PHLPP1: variants seen among roughly 807,000 people sequenced by gnomAD.
The protein encoded by PHLPP1 is PH domain leucine-rich repeat-containing protein phosphatase 1.
PHLPP1 carries 42 observed loss-of-function variants against 117.2 expected under a neutral mutation model. The observed-to-expected ratio is 0.36, with a 90% CI of 0.28 to 0.46. PHLPP1 has a LOEUF of 0.46. Among genes scored for constraint, PHLPP1 ranks in the 20% least tolerant of loss-of-function variants. PHLPP1 has a pLI of 1.00. For missense variants in PHLPP1, 2,084 were observed against 2,241.9 expected (o/e 0.93, Z 1.42); for synonymous variants, 1,042 against 970.7 (o/e 1.07, Z -1.37).
At chr18:62,862,173 G>A (rs988527761) in intron 4 of PHLPP1, among the ~76,000 whole-genome samples, 1 of 151,424 alleles carries the variant, frequency 6.6e-6, no homozygotes, top group Non-Finnish European at 1.5e-5. Flanking sequence ...ACTGCCTCCC[G>A]CGTTCTAGTG....
chr18:62,716,500 C>T lies in PHLPP1; in HGVS notation c.817C>T (p.Pro273Ser), dbSNP rs754834443. Reference sequence around the variant, plus strand: ...CCCCGAGGCCGGCCCCCGGCTGGCGCCCCCGGAGCCGCGGGACTCGGAGGT... The same window carrying T: ...CCCCGAGGCCGGCCCCCGGCTGGCGTCCCCGGAGCCGCGGGACTCGGAGGT... ...PPPEAGPRLA[P>S]PEPRDSEVPP... Residue 273 changes from proline (P) to serine (S), a missense_variant, in exon 1 of 17, where the codon CCC becomes TCC. By Grantham distance (74) the Pro-to-Ser change is moderately conservative (BLOSUM62 -1). This residue lies in a region of PHLPP1 where 719 missense variants were observed against 636.0 expected (regional missense o/e 1.13). Transcript: ENST00000262719. This position sits in a 1 kb window ranked among gnomAD's most constrained non-coding sequence, Gnocchi z 5.7. 4.2e-5 allele frequency: 50 copies of T among 1,202,694 alleles called. 1 individual carries two copies. In the South Asian group the frequency reaches 1.7e-3, roughly 41 times the overall value. 74.5% of individuals were successfully genotyped at this position (1,202,694 alleles called of 1,614,324 possible).
At chr18:62,753,629 G>A (rs1911924865) in intron 1 of PHLPP1, among the ~76,000 whole-genome samples, 1 of 152,158 alleles carries the variant, frequency 6.6e-6, no homozygotes, top group Non-Finnish European at 1.5e-5. Flanking sequence ...AAATTCATTA[G>A]TTACTAAACA....
rs1910819886 is a variant in PHLPP1 at position 62,963,383 on chromosome 18, C to G, written c.3471C>G (p.Phe1157Leu). 6.2e-7 allele frequency: 1 copy of G among 1,611,940 alleles called. No homozygotes were observed. Residue 1157 changes from phenylalanine (F) to leucine (L), a missense_variant, in exon 14 of 17, where the codon TTC becomes TTG. Phe to Leu is a conservative substitution (Grantham distance 22, BLOSUM62 0). Transcript: ENST00000262719. ...CTCTTGTTAGTAATATCCGCTGTTT[C>G]AAGATTGATCAGCCTTCTACAGGAG... ...TLELLNNIRCFKIDQPSTGDA... is the reference protein window; with the variant it reads ...TLELLNNIRCLKIDQPSTGDA...
rs1917052864 is a variant in PHLPP1 at position 62,914,718 on chromosome 18, C to G, written c.2709-195C>G. ...GCCACTGTGCTCTGCCTCTTCCTTA[C>G]TTTTTCTTTATTTCTTCTCCCTATC... On this transcript the variant is annotated intron_variant, in intron 8 of 16. Coordinates refer to ENST00000262719, the MANE Select transcript of PHLPP1 (RefSeq NM_194449.4). 2.0e-5 allele frequency among the ~76,000 whole-genome samples: 3 copies of G among 152,232 alleles called. No homozygotes were observed. The South Asian group carries it at 6.2e-4, about 31-fold the overall frequency.
chr18:62,979,543 T>G lies in PHLPP1; in HGVS notation c.*112T>G. 8.5e-7 allele frequency: 1 copy of G among 1,183,332 alleles called. No homozygotes were observed. Among genetic ancestry groups the G allele is most frequent in the Non-Finnish European group, 1.2e-6 (1 of 854,998 alleles). The allele number at this position is 1,183,332 out of a possible 1,614,324, so 73.3% of individuals were successfully genotyped here. A position where few individuals can be genotyped will look rare whatever the true frequency, so the allele number is the denominator to read the frequency against. On this transcript the variant is annotated 3_prime_UTR_variant, in exon 17 of 17. Transcript: ENST00000262719. ...CTCCACATCCTTCCCCCAGACACTGTTCCCAACCTGTCATCGCAGCTAATC... is the reference window on the plus strand; with the variant it reads ...CTCCACATCCTTCCCCCAGACACTGGTCCCAACCTGTCATCGCAGCTAATC...
At chr18:62,899,408 CTG>C (rs1365090151) in intron 6 of PHLPP1, among the ~76,000 whole-genome samples, 4 of 152,164 alleles carry the variant, frequency 2.6e-5, no homozygotes, top group Non-Finnish European at 4.4e-5. Context: ...GATGCAGAGG[CTG>C]TTCCATTGCT....
chr18:62,872,167 T>C (rs1451803463), intron 4 of PHLPP1, among the ~76,000 whole-genome samples: 1 of 152,118 alleles, frequency 6.6e-6, no homozygotes, highest in Non-Finnish European at 1.5e-5. Context: ...AATGAAGACC[T>C]AAAGAAGTGA....
At chr18:62,733,134 G>A (rs559915988) in intron 1 of PHLPP1, among the ~76,000 whole-genome samples, 1 of 152,186 alleles carries the variant, frequency 6.6e-6, no homozygotes. Context: ...TGAGTAAAGT[G>A]CTATCAAAGA....
chr18:62,715,871 G>T lies in PHLPP1; in HGVS notation c.188G>T (p.Gly63Val). The change falls in exon 1 of 17, where the codon GGG (glycine) becomes GTG (valine). Residue 63 changes from glycine to valine, a missense_variant. By Grantham distance (109) the Gly-to-Val change is moderately radical (BLOSUM62 -3). Around this residue, in one of 2 missense-constraint regions of PHLPP1, gnomAD observed 719 missense variants for 636.0 expected, o/e 1.13. Coordinates refer to ENST00000262719, the MANE Select transcript of PHLPP1 (RefSeq NM_194449.4). Reference protein sequence around the residue: ...PALTPAAPSGGNGSGSGAREE... With the variant: ...PALTPAAPSGVNGSGSGAREE... ...CTGACCCCGGCGGCCCCGAGCGGCG[G>T]GAACGGCAGCGGCAGCGGGGCGCGG... The T allele has an allele frequency of 1.2e-6, 1 of 833,820 alleles. No individual in the cohort carries two copies. The highest frequency in any genetic ancestry group is 1.4e-6 in the Non-Finnish European group (1 of 691,936). The allele number at this position is 833,820 out of a possible 1,614,324, so 51.7% of individuals were successfully genotyped here.
chr18:62,755,526 T>G (rs996869460), intron 1 of PHLPP1, among the ~76,000 whole-genome samples: 5 of 152,164 alleles, frequency 3.3e-5, no homozygotes, highest in African/African-American at 1.2e-4. Context: ...CCTTCATGAA[T>G]AGGATTAGTG....
At position 62,896,029 on chromosome 18, in the gene PHLPP1, A is replaced by G. The variant is rs1345912134; in HGVS notation, c.2444+18A>G. The G allele has an allele frequency of 2.7e-6, 4 of 1,481,142 alleles. No homozygotes were observed. The highest frequency in any genetic ancestry group is 3.8e-6 in the Non-Finnish European group (4 of 1,063,642). The allele number at this position is 1,481,142 out of a possible 1,614,324, so 91.7% of individuals were successfully genotyped here. A position where few individuals can be genotyped will look rare whatever the true frequency, so the allele number is the denominator to read the frequency against. On this transcript the variant is annotated intron_variant, in intron 6 of 16. Coordinates refer to ENST00000262719, the MANE Select transcript of PHLPP1 (RefSeq NM_194449.4). Reference sequence around the variant, plus strand: ...GATCTAAGGTAACCATTTTTGAGAAATAGATCTCATTTGAGTGGCTGGCTT... The same window carrying G: ...GATCTAAGGTAACCATTTTTGAGAAGTAGATCTCATTTGAGTGGCTGGCTT...
intron 1 of PHLPP1, among the ~76,000 whole-genome samples, chr18:62,745,769 T>G (rs2122079453): frequency 6.6e-6 from 1 of 152,382 alleles, no homozygotes; most frequent in East Asian, 1.9e-4. Context: ...TACTCTTGCC[T>G]CTTTTAGTGA....
At chr18:62,879,402 ATATGTG>A (rs1323607015) in intron 4 of PHLPP1, among the ~76,000 whole-genome samples, 1 of 148,258 alleles carries the variant, frequency 6.7e-6, no homozygotes, top group Non-Finnish European at 1.5e-5. Flanking sequence ...GGTATTCTGG[ATATGTG>A]TGTGTGTGTG....
chr18:62,829,352 A>G (rs1475696141), intron 1 of PHLPP1, among the ~76,000 whole-genome samples: 1 of 152,246 alleles, frequency 6.6e-6, no homozygotes, highest in Admixed American at 6.5e-5. Context: ...TTATTTTCCT[A>G]TCTCAGGCTA....
Position 62,958,735 on chromosome 18 carries a change from A to G in PHLPP1, c.3431A>G (p.Asp1144Gly), listed in dbSNP as rs771954227. 1.9e-6 allele frequency: 3 copies of G among 1,613,906 alleles called. No homozygotes were observed. The African/African-American group carries it at 4.0e-5, about 22-fold the overall frequency. Residue 1144 changes from aspartate (D) to glycine (G), a missense_variant, in exon 13 of 17, where the codon GAT (aspartate) becomes GGT (glycine). By Grantham distance (94) the Asp-to-Gly change is moderately conservative (BLOSUM62 -1). Coordinates refer to ENST00000262719, the MANE Select transcript of PHLPP1 (RefSeq NM_194449.4). Reference sequence around the variant, plus strand: ...ACTGGAAACCCGCGCCTTGTCCTTGATCACAAAACCCTGGAACTACTGAAG... The same window carrying G: ...ACTGGAAACCCGCGCCTTGTCCTTGGTCACAAAACCCTGGAACTACTGAAG... ...DLTGNPRLVLDHKTLELLNNI... is the reference protein window; with the variant it reads ...DLTGNPRLVLGHKTLELLNNI...
At chr18:62,766,718 GATAA>G (rs1343243116) in intron 1 of PHLPP1, among the ~76,000 whole-genome samples, 1 of 152,044 alleles carries the variant, frequency 6.6e-6, no homozygotes, top group Non-Finnish European at 1.5e-5. Flanking sequence ...TTATATATCA[GATAA>G]ATATATATTT....
chr18:62,916,605 G>GTGTGT (rs1909283535), intron 9 of PHLPP1, among the ~76,000 whole-genome samples: 1 of 145,768 alleles, frequency 6.9e-6, no homozygotes, highest in African/African-American at 2.5e-5. Flanking sequence ...CAAGAGGGTG[G>GTGTGT]GTGTGTGTGT....
At chr18:62,804,692 C>A (rs1256021185) in intron 1 of PHLPP1, among the ~76,000 whole-genome samples, 2 of 151,200 alleles carry the variant, frequency 1.3e-5, no homozygotes, top group Non-Finnish European at 2.9e-5. Context: ...GCTTGCCTGC[C>A]CCCATCCCCC....
intron 1 of PHLPP1, among the ~76,000 whole-genome samples, chr18:62,806,573 T>A (rs1248091465): frequency 1.3e-5 from 2 of 152,286 alleles, no homozygotes; most frequent in Middle Eastern, 3.4e-3. Flanking sequence ...GAGAGATAGA[T>A]AAAACTGTAC....
Sources: gnomAD v4.1 joint callset for allele counts (sites outside exome capture counted in the v4.1 genomes callset) on GRCh38, gnomAD v4.1.1 for gene constraint, gnomAD v4.1.1 regional missense constraint, Gnocchi (gnomAD v3.1) non-coding constraint, MANE v1.5 for transcripts, NCBI Gene and HGNC (gene_info 2026-07-23, HGNC 2026-07-21) for gene names.